Variants in OLA1 observed in about 807,000 individuals in gnomAD.
OLA1 encodes obg-like ATPase 1.
In OLA1, 14 loss-of-function variants were observed where a neutral mutation model predicts 48.4. The ratio of observed to expected loss-of-function variants is 0.29; its 90% CI spans 0.19 to 0.45. OLA1 has a LOEUF of 0.45. Ranked by LOEUF, OLA1 falls within the 20% of genes least tolerant of loss-of-function variation. The pLI is 1.00. For missense variants in OLA1, 325 were observed against 467.1 expected, an observed-to-expected ratio of 0.70 and a Z score of 2.80; for synonymous variants, 127 against 150.4, an observed-to-expected ratio of 0.84 and a Z score of 1.14.
intron 4 of OLA1, among the ~76,000 whole-genome samples, chr2:174,213,113 A>G (rs1688280720): frequency 1.3e-5 from 2 of 152,336 alleles, no homozygotes; most frequent in Middle Eastern, 3.4e-3. Flanking sequence ...ACATACACAC[A>G]TACATGCACA....
chr2:174,144,482 T>C (rs1686532955), intron 4 of OLA1, among the ~76,000 whole-genome samples: 1 of 152,136 alleles, frequency 6.6e-6, no homozygotes, highest in African/African-American at 2.4e-5. Context: ...ACCCATAAAC[T>C]AAAAGCTTCC....
rs544559124 is a variant in OLA1 at position 174,190,423 on chromosome 2, G to A, written c.373+32610C>T. Among the ~76,000 whole-genome samples, 646 of 152,100 alleles carry A rather than the reference G, an allele frequency of 4.2e-3. 7 individuals are homozygous for A. The highest frequency in any genetic ancestry group is 0.037 in the South Asian group (178 of 4,826). On this transcript the variant is annotated intron_variant, in intron 4 of 10. Coordinates refer to ENST00000284719, the MANE Select transcript of OLA1 (RefSeq NM_013341.5). ...CACATATGAGGAAACTGAGACTCAC[G>A]AAGCTTAAATATTACTCCTTGCACA...
intron 4 of OLA1, among the ~76,000 whole-genome samples, chr2:174,185,309 TGGG>T (rs1687634159): frequency 1.3e-5 from 2 of 152,158 alleles, no homozygotes; most frequent in African/African-American, 4.8e-5. Context: ...CAAGGTTAAC[TGGG>T]AAGTGTAGTA....
intron 4 of OLA1, among the ~76,000 whole-genome samples, chr2:174,183,424 A>G (rs1165304890): frequency 2.0e-5 from 3 of 152,214 alleles, no homozygotes. Context: ...TGGAAAACAG[A>G]GTGCACAAGA....
intron 7 of OLA1, among the ~76,000 whole-genome samples, chr2:174,105,291 A>G (rs1046146091): frequency 6.6e-6 from 1 of 152,006 alleles, no homozygotes; most frequent in Admixed American, 6.6e-5. Context: ...ATTATACTTA[A>G]TCTGGTGATG....
At chr2:174,083,687 A>G (rs1449040651) in intron 7 of OLA1, among the ~76,000 whole-genome samples, 1 of 152,200 alleles carries the variant, frequency 6.6e-6, no homozygotes, top group Admixed American at 6.5e-5. Context: ...ACAAAAGTCT[A>G]TATTCAAATG....
At chr2:174,095,323 C>CTGTTTT (rs1293213227) in intron 7 of OLA1, among the ~76,000 whole-genome samples, 1 of 69,704 alleles carries the variant, frequency 1.4e-5, no homozygotes, top group African/African-American at 5.0e-5. Flanking sequence ...TTGTTATTTC[C>CTGTTTT]TGTTTTTTTT....
Position 174,081,247 on chromosome 2 carries a change from C to A in OLA1, c.871G>T (p.Ala291Ser). ...KYLEANMTQS[A>S]LPKIIKAGFA... ...CCAGCCTTAATGATCTTTGGCAAAG[C>A]ACTGAAATCAAATGAAACAAATTCA... Residue 291 changes from alanine to serine, a missense_variant and splice_region_variant, in exon 9 of 11, where the codon GCT becomes TCT. Ala to Ser is a moderately conservative substitution (Grantham distance 99). Transcript: ENST00000284719. 6.2e-7 allele frequency: 1 copy of A among 1,609,506 alleles called. No individual in the cohort carries two copies. The highest frequency in any genetic ancestry group is 1.1e-5 in the South Asian group (1 of 90,916).
intron 7 of OLA1, among the ~76,000 whole-genome samples, chr2:174,106,013 T>A (rs1470174687): frequency 9.2e-6 from 1 of 108,602 alleles, no homozygotes; most frequent in Non-Finnish European, 1.9e-5. Context: ...GCTTAACCAA[T>A]ACTTGTTGAA....
Position 174,229,343 on chromosome 2 carries a change from C to T in OLA1, c.210G>A (p.Arg70=), listed in dbSNP as rs771029551. Reference sequence around the variant, plus strand: ...TGTGGTATTGACAAAGAAAGTCAAACCTTTCATCTGGCACAGGTACTCTGC... The same window carrying T: ...TGTGGTATTGACAAAGAAAGTCAAATCTTTCATCTGGCACAGGTACTCTGC... ...NESRVPVPDE[R]FDFLCQYHKP... Residue 70 remains arginine, a synonymous_variant, in exon 3 of 11, where the codon AGG becomes AGA. Transcript: ENST00000284719. 7 of 1,612,484 alleles carry T rather than the reference C, an allele frequency of 4.3e-6. No homozygotes were observed. In the South Asian group the frequency reaches 7.7e-5, roughly 18 times the overall value.
chr2:174,081,995 G>T lies in OLA1; in HGVS notation c.798C>A (p.Ala266=). 1 of 1,613,406 alleles carries T rather than the reference G, an allele frequency of 6.2e-7. No individual in the cohort carries two copies. Among genetic ancestry groups the T allele is most frequent in the Non-Finnish European group, 8.5e-7 (1 of 1,179,538 alleles). The change falls in exon 8 of 11, where the codon GCC becomes GCA. Residue 266 remains alanine, a synonymous_variant. Transcript: ENST00000284719. ...PGALVIPFSG[A]LELKLQELSA... ...TCAATTCTTGCAACTTGAGTTCCAAGGCCCCACTAAAAGGAATGACCAAAG... is the reference window on the plus strand; with the variant it reads ...TCAATTCTTGCAACTTGAGTTCCAATGCCCCACTAAAAGGAATGACCAAAG...
chr2:174,089,994 G>A (rs1204966761), intron 7 of OLA1, among the ~76,000 whole-genome samples: 1 of 151,928 alleles, frequency 6.6e-6, no homozygotes, highest in Non-Finnish European at 1.5e-5. Context: ...TAGCTTTGGA[G>A]TCTAGATTCA....
intron 4 of OLA1, among the ~76,000 whole-genome samples, chr2:174,194,998 A>G (rs1304431997): frequency 6.6e-6 from 1 of 152,114 alleles, no homozygotes; most frequent in Non-Finnish European, 1.5e-5. Context: ...AATATTCCAG[A>G]TCGGAAGGGA....
intron 10 of OLA1, among the ~76,000 whole-genome samples, chr2:174,075,752 T>C (rs1335933716): frequency 6.6e-6 from 1 of 152,202 alleles, no homozygotes; most frequent in Non-Finnish European, 1.5e-5. Context: ...TCATAATGTA[T>C]TCTCCACTAA....
intron 2 of OLA1, among the ~76,000 whole-genome samples, chr2:174,230,640 C>A (rs531063882): frequency 1.3e-5 from 2 of 152,198 alleles, no homozygotes; most frequent in African/African-American, 4.8e-5. Context: ...ATATAGAGGA[C>A]AGAAGAACAT....
rs191345722 is a variant in OLA1, at chr2:174,186,244, G to A, written c.373+36789C>T. On this transcript the variant is annotated intron_variant, in intron 4 of 10. Transcript: ENST00000284719. ...TTCTGCTTGTAGGATGAAGAAAGCC[G>A]ATTCTTAAGTTTGTATGGAAAAAAT... Among the ~76,000 whole-genome samples, 16 of 152,220 alleles carry A rather than the reference G, an allele frequency of 1.1e-4. No homozygotes were observed. In the East Asian group the frequency reaches 1.7e-3, roughly 17 times the overall value.
intron 4 of OLA1, among the ~76,000 whole-genome samples, chr2:174,215,284 T>C (rs1574556703): frequency 6.6e-6 from 1 of 152,182 alleles, no homozygotes; most frequent in East Asian, 1.9e-4. Flanking sequence ...ACCCAGAATG[T>C]TACGTTACTG....
chr2:174,123,122 G>C (rs1301098296), intron 7 of OLA1, 58 bp downstream of exon 7: 31 of 764,200 alleles, frequency 4.1e-5, no homozygotes, highest in Non-Finnish European at 7.0e-5. Context: ...ATGTGGGTGT[G>C]TGTTTGTGTG....
intron 4 of OLA1, among the ~76,000 whole-genome samples, chr2:174,163,707 AATAAAT>A (rs1687068793): frequency 2.5e-5 from 1 of 39,996 alleles, no homozygotes; most frequent in African/African-American, 1.1e-4. Flanking sequence ...AAAATAAATA[AATAAAT>A]ATATATATAT....
Sources: gnomAD v4.1 joint callset for allele counts (sites outside exome capture counted in the v4.1 genomes callset) on GRCh38, gnomAD v4.1.1 for gene constraint, MANE v1.5 for transcripts, NCBI Gene and HGNC (gene_info 2026-07-23, HGNC 2026-07-21) for gene names.